Variants in GNAQ observed in about 807,000 individuals in gnomAD.
GNAQ encodes the protein G protein subunit alpha q.
A neutral mutation model predicts 43.9 loss-of-function variants in GNAQ; 8 were observed. The observed-to-expected ratio is 0.18, with a 90% CI of 0.11 to 0.33. GNAQ has a LOEUF of 0.33. Among genes scored for constraint, GNAQ ranks in the 10% least tolerant of loss-of-function variants. The pLI is 1.00. For synonymous variants in GNAQ, 155 were observed against 170.7 expected (o/e 0.91, Z 0.71); for missense variants, 158 against 450.8 (o/e 0.35, Z 5.88).
intron 2 of GNAQ, among the ~76,000 whole-genome samples, chr9:77,817,544 T>C (rs1332019564): frequency 6.6e-6 from 1 of 152,194 alleles, no homozygotes; most frequent in East Asian, 1.9e-4. Flanking sequence ...ACTTTTCCTC[T>C]TTATAACTTA....
intron 1 of GNAQ, among the ~76,000 whole-genome samples, chr9:77,958,042 A>T (rs1237907619): frequency 6.6e-6 from 1 of 152,232 alleles, no homozygotes; most frequent in Non-Finnish European, 1.5e-5. Flanking sequence ...GCCTTTATAA[A>T]GGCAATGTGG....
At chr9:77,886,187 G>A (rs964028214) in intron 2 of GNAQ, among the ~76,000 whole-genome samples, 1 of 152,088 alleles carries the variant, frequency 6.6e-6, no homozygotes, top group Non-Finnish European at 1.5e-5. Flanking sequence ...GGCTGATCTT[G>A]AACTCTTAAC....
At chr9:77,864,597 G>T (rs1009451099) in intron 2 of GNAQ, among the ~76,000 whole-genome samples, 2 of 152,058 alleles carry the variant, frequency 1.3e-5, no homozygotes, top group Non-Finnish European at 2.9e-5. Flanking sequence ...ACAAGCCAAG[G>T]AATGCATGTG....
intron 1 of GNAQ, 24 bp downstream of exon 1, chr9:78,031,076 G>A: frequency 1.4e-6 from 2 of 1,435,910 alleles, no homozygotes; most frequent in Non-Finnish European, 9.2e-7. Context: ...GCAGAGGCCC[G>A]GCGGGGCCCC....
chr9:77,945,610 C>T (rs1225335541), intron 1 of GNAQ, among the ~76,000 whole-genome samples: 2 of 152,116 alleles, frequency 1.3e-5, no homozygotes, highest in African/African-American at 4.8e-5. Flanking sequence ...AATATATCCT[C>T]TTAGGGAAAA....
intron 1 of GNAQ, among the ~76,000 whole-genome samples, chr9:77,994,619 A>G (rs912342044): frequency 9.9e-5 from 15 of 152,126 alleles, no homozygotes; most frequent in African/African-American, 2.9e-4. Flanking sequence ...ATCACTAACA[A>G]TGCTCCACAC....
intron 1 of GNAQ, among the ~76,000 whole-genome samples, chr9:77,926,726 A>G (rs1307030068): frequency 1.3e-5 from 2 of 152,212 alleles, no homozygotes; most frequent in Admixed American, 6.5e-5. Flanking sequence ...AATGGCCTAT[A>G]TAAATATGAC....
intron 2 of GNAQ, among the ~76,000 whole-genome samples, chr9:77,894,014 T>G (rs1280745478): frequency 6.6e-6 from 1 of 152,068 alleles, no homozygotes; most frequent in Non-Finnish European, 1.5e-5. Context: ...TACCAGGCAC[T>G]GCTTGAGGAC....
rs905300795 is a variant in GNAQ, at chr9:77,716,452, G to A, written c.*4871C>T. Reference sequence around the variant, plus strand: ...ATACTGCAAGTTAAAAATGTTTTCTGACAAAACTCCCTAAATACATAGGTC... The same window carrying A: ...ATACTGCAAGTTAAAAATGTTTTCTAACAAAACTCCCTAAATACATAGGTC... On this transcript the variant is annotated 3_prime_UTR_variant, in exon 7 of 7. Coordinates refer to ENST00000286548, the MANE Select transcript of GNAQ (RefSeq NM_002072.5). 114 of 232,634 alleles carry A rather than the reference G, an allele frequency of 4.9e-4. No homozygotes were observed. Among genetic ancestry groups the A allele is most frequent in the African/African-American group, 2.4e-3 (108 of 45,416 alleles). 14.4% of individuals were successfully genotyped at this position (232,634 alleles called of 1,614,324 possible). A position where few individuals can be genotyped will look rare whatever the true frequency, so the allele number is the denominator to read the frequency against.
At chr9:77,888,839 C>CT (rs113434311) in intron 2 of GNAQ, among the ~76,000 whole-genome samples, 6,939 of 152,202 alleles carry the variant, frequency 0.046, 557 homozygotes, top group African/African-American at 0.16. Flanking sequence ...CCTTGAGTGT[C>CT]TGACGCATCA....
chr9:77,728,699 G>C (rs2118219036), intron 5 of GNAQ, 32 bp from the exon 6 acceptor site: 4 of 1,448,674 alleles, frequency 2.8e-6, no homozygotes, highest in Non-Finnish European at 3.8e-6. Context: ...GAAAAAACAA[G>C]GAGTGAATTA....
intron 1 of GNAQ, among the ~76,000 whole-genome samples, chr9:77,961,864 A>G (rs1319034915): frequency 6.6e-6 from 1 of 152,230 alleles, no homozygotes; most frequent in East Asian, 1.9e-4. Context: ...ACTCCAAGAA[A>G]GCTCAATAAA....
rs1827233985 is a variant in GNAQ, at chr9:77,828,093, A to AG, written c.322-12324dup. ...AAAAAAAAAAAAAAAAAAAAAAAAAAGAAGGGGCAGTGAAAACAGAGCTGG... is the reference window on the plus strand; with the variant it reads ...AAAAAAAAAAAAAAAAAAAAAAAAAAGGAAGGGGCAGTGAAAACAGAGCTGG... On this transcript the variant is annotated intron_variant, in intron 2 of 6. Transcript: ENST00000286548. 2.8e-5 allele frequency among the ~76,000 whole-genome samples: 4 copies of AG among 144,366 alleles called. No homozygotes were observed. In the East Asian group the frequency reaches 8.1e-4, roughly 29 times the overall value. The allele number at this position is 144,366 out of a possible 152,430, so 94.7% of individuals were successfully genotyped here. A position where few individuals can be genotyped will look rare whatever the true frequency, so the allele number is the denominator to read the frequency against.
At chr9:77,911,883 C>T (rs554347120) in intron 2 of GNAQ, among the ~76,000 whole-genome samples, 144 of 152,018 alleles carry the variant, frequency 9.5e-4, no homozygotes, top group Non-Finnish European at 1.7e-3. Context: ...AAAAGAAAAC[C>T]GTATTATCAA....
At chr9:78,004,935 G>T (rs192839870) in intron 1 of GNAQ, among the ~76,000 whole-genome samples, 27 of 152,150 alleles carry the variant, frequency 1.8e-4, no homozygotes, top group African/African-American at 6.3e-4. Flanking sequence ...AAGCAGTAAG[G>T]AATAAGGCTA....
At chr9:77,879,880 G>T (rs1828183200) in intron 2 of GNAQ, among the ~76,000 whole-genome samples, 1 of 152,136 alleles carries the variant, frequency 6.6e-6, no homozygotes, top group Admixed American at 6.5e-5. Flanking sequence ...CTGAAATGTG[G>T]CGAGGCTTGA....
chr9:78,026,421 A>C (rs577716123), intron 1 of GNAQ, among the ~76,000 whole-genome samples: 2 of 152,362 alleles, frequency 1.3e-5, no homozygotes, highest in South Asian at 4.1e-4. Flanking sequence ...TTTCAACAAC[A>C]ACAAAAAAGG....
chr9:77,857,234 A>G (rs1827769614), intron 2 of GNAQ, among the ~76,000 whole-genome samples: 1 of 152,178 alleles, frequency 6.6e-6, no homozygotes, highest in Non-Finnish European at 1.5e-5. Flanking sequence ...CCGCGGGCCC[A>G]TTTCTTTACC....
At chr9:77,889,447 A>AAAAAAAAAAAAAAAAAAAAAAAAT in intron 2 of GNAQ, among the ~76,000 whole-genome samples, 1 of 135,098 alleles carries the variant, frequency 7.4e-6, no homozygotes, top group Non-Finnish European at 1.6e-5. Context: ...AAAAAAAAAA[A>AAAAAAAAAAAAAAAAAAAAAAAAT]ATCCTTAATC....
Sources: gnomAD v4.1 joint callset for allele counts (sites outside exome capture counted in the v4.1 genomes callset) on GRCh38, gnomAD v4.1.1 for gene constraint, MANE v1.5 for transcripts, NCBI Gene and HGNC (gene_info 2026-07-23, HGNC 2026-07-21) for gene names.